The following COL4A3 variants were observed in gnomAD, a reference collection of about 807,000 sequenced individuals.
COL4A3 encodes the protein collagen alpha-3(IV) chain.
A neutral mutation model predicts 217.4 loss-of-function variants in COL4A3; 135 were observed. The ratio of observed to expected loss-of-function variants is 0.62; its 90% CI spans 0.54 to 0.72. COL4A3 has a LOEUF of 0.72. COL4A3 is among the 30% of genes least tolerant of loss of function. COL4A3 has a pLI of 0.00. For synonymous variants in COL4A3, 690 were observed against 736.3 expected (o/e 0.94, Z 1.02); for missense variants, 1,868 against 2,119.9 (o/e 0.88, Z 2.33).
At chr2:227,306,497 G>C (rs1350606999) in intron 47 of COL4A3, among the ~76,000 whole-genome samples, 3 of 152,104 alleles carry the variant, frequency 2.0e-5, no homozygotes, top group Non-Finnish European at 4.4e-5. Context: ...GTTAGGAAAA[G>C]AGAAAAATGT....
rs35803812 is a variant in COL4A3, at chr2:227,294,944, GTT to G, written c.3419-5_3419-4del. 235,281 of 1,346,136 alleles carry G rather than the reference GTT, an allele frequency of 0.17. 3,713 individuals are homozygous for G. Among genetic ancestry groups the G allele is most frequent in the East Asian group, 0.25 (10,245 of 40,976 alleles). 83.4% of individuals were successfully genotyped at this position (1,346,136 alleles called of 1,614,324 possible). A position where few individuals can be genotyped will look rare whatever the true frequency, so the allele number is the denominator to read the frequency against. On this transcript the variant is annotated intron_variant, in intron 39 of 51. Coordinates refer to ENST00000396578, the MANE Select transcript of COL4A3 (RefSeq NM_000091.5). ...GTATACCATAGTTTGGGGTTTTTGG[GTT>G]TTTTTTTTTTTTTTCAGGTCTTCCA... is the stretch of plus-strand genomic sequence containing the variant.
chr2:227,245,389 G>A (rs6750792), intron 5 of COL4A3, among the ~76,000 whole-genome samples: 115,521 of 151,936 alleles, frequency 0.76, 45,106 homozygotes, highest in East Asian at 0.91. Context: ...ATTGTATTAG[G>A]TATTATAAGT....
intron 34 of COL4A3, among the ~76,000 whole-genome samples, chr2:227,285,277 T>TAAAA (rs764697409): frequency 0.012 from 848 of 72,346 alleles, 57 homozygotes; most frequent in African/African-American, 0.03. Context: ...CTGCCAAACC[T>TAAAA]AAAAAAAAAA....
intron 1 of COL4A3, among the ~76,000 whole-genome samples, chr2:227,193,462 C>T (rs1187521882): frequency 1.3e-5 from 2 of 152,188 alleles, no homozygotes; most frequent in Admixed American, 1.3e-4. Flanking sequence ...GCCTGTAATC[C>T]TAGCACTTGG....
Position 227,164,837 on chromosome 2 carries a change from C to T in COL4A3, c.87+24C>T. ...AGGTGAGTGGGGGCTGCGCGACCCC[C>T]ACCCCCGCACTTCCATCCCTCCTCC... On this transcript the variant is annotated intron_variant, in intron 1 of 51. Coordinates refer to ENST00000396578, the MANE Select transcript of COL4A3 (RefSeq NM_000091.5). The surrounding 1 kb of genome is among the most constrained non-coding windows in gnomAD (Gnocchi z 4.8). 6.7e-7 allele frequency: 1 copy of T among 1,495,580 alleles called. No homozygotes were observed. Among genetic ancestry groups the T allele is most frequent in the South Asian group, 1.3e-5 (1 of 79,162 alleles). The allele number at this position is 1,495,580 out of a possible 1,614,324, so 92.6% of individuals were successfully genotyped here. A position where few individuals can be genotyped will look rare whatever the true frequency, so the allele number is the denominator to read the frequency against.
At position 227,282,646 on chromosome 2, in the gene COL4A3, T is replaced by C; in HGVS notation, c.2656+114T>C. ...CTCTATGCTTTTACTTAATATAAGG[T>C]TTTCCTTCTAAATTATTTGTAAGAA... On this transcript the variant is annotated intron_variant, in intron 32 of 51. Coordinates refer to ENST00000396578, the MANE Select transcript of COL4A3 (RefSeq NM_000091.5). This position sits in a 1 kb window ranked among gnomAD's most constrained non-coding sequence, Gnocchi z 4.4. 5 of 1,003,004 alleles carry C rather than the reference T, an allele frequency of 5.0e-6. No homozygotes were observed. Among genetic ancestry groups the C allele is most frequent in the Non-Finnish European group, 6.1e-6 (4 of 659,782 alleles). 62.1% of individuals were successfully genotyped at this position (1,003,004 alleles called of 1,614,324 possible). A position where few individuals can be genotyped will look rare whatever the true frequency, so the allele number is the denominator to read the frequency against.
intron 11 of COL4A3, among the ~76,000 whole-genome samples, chr2:227,252,977 G>A (rs1440989895): frequency 2.0e-5 from 3 of 152,154 alleles, no homozygotes; most frequent in Non-Finnish European, 4.4e-5. Flanking sequence ...AAGTTAAGTA[G>A]CCGGCCAGTG....
intron 48 of COL4A3, 33 bp from the exon 49 acceptor site, chr2:227,308,866 C>T (rs2073623208): frequency 1.2e-6 from 2 of 1,606,010 alleles, no homozygotes; most frequent in Non-Finnish European, 1.7e-6. Flanking sequence ...CTTTAACTTA[C>T]TGAAAGTGAT....
chr2:227,286,150 G>A (rs1315081443), intron 34 of COL4A3, among the ~76,000 whole-genome samples: 2 of 152,138 alleles, frequency 1.3e-5, no homozygotes, highest in Non-Finnish European at 2.9e-5. Flanking sequence ...CCATGTGCAG[G>A]TACTGTTCCA....
At chr2:227,256,132 ATT>A in intron 16 of COL4A3, 62 bp downstream of exon 16, 1 of 1,496,528 alleles carries the variant, frequency 6.7e-7, no homozygotes, top group Non-Finnish European at 9.3e-7. Flanking sequence ...CTGAAGAAGG[ATT>A]TTTTAAAATC....
intron 22 of COL4A3, 70 bp from the exon 23 acceptor site, chr2:227,266,923 T>G (rs950357247): frequency 3.9e-6 from 4 of 1,028,882 alleles, no homozygotes; most frequent in Admixed American, 1.7e-5. Flanking sequence ...ATAGTGTGGT[T>G]GGAAAATATT....
At position 227,175,916 on chromosome 2, in the gene COL4A3, C is replaced by G. The variant is rs1296732933; in HGVS notation, c.87+11103C>G. 2.0e-5 allele frequency among the ~76,000 whole-genome samples: 3 copies of G among 152,200 alleles called. No homozygotes were observed. The East Asian group carries it at 5.8e-4, about 29-fold the overall frequency. ...GTGATGGAAACATTCTTCTTTCATT[C>G]CTGTTGACATATCTCTGCCCGTCTT... On this transcript the variant is annotated intron_variant, in intron 1 of 51. Transcript: ENST00000396578.
chr2:227,258,699 A>T (rs1166637833), intron 18 of COL4A3, among the ~76,000 whole-genome samples: 1 of 152,132 alleles, frequency 6.6e-6, no homozygotes, highest in East Asian at 1.9e-4. Context: ...TACAGACCCT[A>T]CCTCTTACTT....
At chr2:227,289,107 C>T (rs762058040) in intron 34 of COL4A3, 43 bp from the exon 35 acceptor site, 3 of 1,517,296 alleles carry the variant, frequency 2.0e-6, no homozygotes, top group African/African-American at 1.4e-5. Flanking sequence ...CCTGCCACCA[C>T]ACCTGGCTAA....
chr2:227,190,011 A>G (rs2066171693), intron 1 of COL4A3, among the ~76,000 whole-genome samples: 1 of 152,230 alleles, frequency 6.6e-6, no homozygotes, highest in Admixed American at 6.5e-5. Flanking sequence ...CTCTAACGCC[A>G]TAACAGTGGC....
chr2:227,199,695 C>A (rs1482586905), intron 1 of COL4A3, among the ~76,000 whole-genome samples: 1 of 152,154 alleles, frequency 6.6e-6, no homozygotes, highest in Admixed American at 6.5e-5. Context: ...TTGGGCCCAG[C>A]CCAGACTAAA....
At chr2:227,301,393 G>A (rs568502620) in intron 43 of COL4A3, among the ~76,000 whole-genome samples, 7 of 152,296 alleles carry the variant, frequency 4.6e-5, no homozygotes, top group South Asian at 2.1e-4. Flanking sequence ...TCAGTGATGC[G>A]TAATGAGGTG....
At chr2:227,212,132 T>C (rs1055717795) in intron 1 of COL4A3, among the ~76,000 whole-genome samples, 1 of 151,738 alleles carries the variant, frequency 6.6e-6, no homozygotes, top group Non-Finnish European at 1.5e-5. Flanking sequence ...TTCTGAAAAA[T>C]GACTGCACGT....
chr2:227,199,979 C>G (rs1169715181), intron 1 of COL4A3, among the ~76,000 whole-genome samples: 1 of 152,170 alleles, frequency 6.6e-6, no homozygotes, highest in Non-Finnish European at 1.5e-5. Flanking sequence ...GTACCACATT[C>G]TGTAGACATG....
Sources: gnomAD v4.1 joint callset for allele counts (sites outside exome capture counted in the v4.1 genomes callset) on GRCh38, gnomAD v4.1.1 for gene constraint, Gnocchi (gnomAD v3.1) non-coding constraint, MANE v1.5 for transcripts, NCBI Gene and HGNC (gene_info 2026-07-23, HGNC 2026-07-21) for gene names.